PCDHAC2: variants seen among roughly 807,000 people sequenced by gnomAD.
PCDHAC2 encodes protocadherin alpha subfamily C, 2.
PCDHAC2 carries 24 observed loss-of-function variants against 63.3 expected under a neutral mutation model. The ratio of observed to expected loss-of-function variants is 0.38; its 90% CI spans 0.27 to 0.53. The LOEUF is 0.53. Ranked by LOEUF, PCDHAC2 falls within the 20% of genes least tolerant of loss-of-function variation. PCDHAC2 has a pLI of 0.81. For missense variants in PCDHAC2, 1,181 were observed against 1,275.2 expected (o/e 0.93, Z 1.12); for synonymous variants, 569 against 529.4 (o/e 1.07, Z -1.03).
chr5:140,987,407 T>C (rs1301920693), intron 3 of PCDHAC2, among the ~76,000 whole-genome samples: 3 of 152,148 alleles, frequency 2.0e-5, no homozygotes, highest in Non-Finnish European at 4.4e-5. Flanking sequence ...CATCTGTTTA[T>C]GGTTCTTGTG....
chr5:141,007,200 G>T (rs1437076735), intron 3 of PCDHAC2, among the ~76,000 whole-genome samples: 2 of 152,010 alleles, frequency 1.3e-5, no homozygotes, highest in Admixed American at 6.6e-5. Context: ...GATGGTGGGG[G>T]CCAGAATATG....
rs1169646324 is a variant in PCDHAC2 at position 141,011,134 on chromosome 5, ATACACAACCT to A, written c.*1199_*1208del. The A allele has an allele frequency of 6.5e-6, 1 of 153,688 alleles. No homozygotes were observed. Among genetic ancestry groups the A allele is most frequent in the East Asian group, 1.9e-4 (1 of 5,194 alleles). The allele number at this position is 153,688 out of a possible 1,614,324, so 9.5% of individuals were successfully genotyped here. ...CTAAGAAACAATTATGTGCACTTTG[ATACACAACCT>A]TCTCTAACCAACTATATATCAAGAC... On this transcript the variant is annotated 3_prime_UTR_variant, in exon 4 of 4. Transcript: ENST00000289269.
At position 140,968,817 on chromosome 5, in the gene PCDHAC2, T is replaced by C; in HGVS notation, c.2051T>C (p.Val684Ala). 2 of 1,614,110 alleles carry C rather than the reference T, an allele frequency of 1.2e-6. No homozygotes were observed. Among genetic ancestry groups the C allele is most frequent in the Middle Eastern group, 3.3e-4 (2 of 6,062 alleles). Residue 684 changes from valine (V) to alanine (A), a missense_variant, in exon 1 of 4, where the codon GTT becomes GCT. Physicochemically the swap from Val to Ala is moderately conservative, Grantham distance 64. Coordinates refer to ENST00000289269, the MANE Select transcript of PCDHAC2 (RefSeq NM_018899.6). ...VAITVAVVDR[V>A]SKILPDTQRH... ...ATTACAGTAGCTGTGGTGGATAGGG[T>C]TTCCAAAATCCTCCCTGACACTCAG...
In PCDHAC2 at chr5:140,967,831, C is replaced by T. The variant is rs2153762943; in HGVS notation, c.1065C>T (p.Ile355=). 6.2e-7 allele frequency: 1 copy of T among 1,614,130 alleles called. No homozygotes were observed. Among genetic ancestry groups the T allele is most frequent in the Admixed American group, 1.7e-5 (1 of 60,026 alleles). The change falls in exon 1 of 4, where the codon ATC becomes ATT. Residue 355 remains isoleucine (I), a synonymous_variant. Transcript: ENST00000289269. ...MAGHCKVLVD[I]VDVNDNAPEV... is the part of the protein sequence containing the mutation. Reference sequence around the variant, plus strand: ...GTCACTGCAAGGTGCTGGTGGACATCGTGGACGTGAATGACAATGCCCCAG... The same window carrying T: ...GTCACTGCAAGGTGCTGGTGGACATTGTGGACGTGAATGACAATGCCCCAG...
Position 140,974,586 on chromosome 5 carries a change from A to G in PCDHAC2, c.2566-4363A>G, listed in dbSNP as rs150396044. Among the ~76,000 whole-genome samples, 599 of 152,220 alleles carry G rather than the reference A, an allele frequency of 3.9e-3. 3 individuals carry two copies. Among genetic ancestry groups the G allele is most frequent in the African/African-American group, 0.014 (565 of 41,540 alleles). On this transcript the variant is annotated intron_variant, in intron 1 of 3. Transcript: ENST00000289269. The stretch of plus-strand genomic sequence containing the variant: ...GAGTGCAATGGCATGATCTTGGCTC[A>G]CTGCAACCTCTGCCTCCAGGGTTCA...
chr5:140,984,230 A>C (rs1329517544), intron 3 of PCDHAC2, among the ~76,000 whole-genome samples: 1 of 152,112 alleles, frequency 6.6e-6, no homozygotes, highest in Non-Finnish European at 1.5e-5. Flanking sequence ...GCTCTTATGG[A>C]GGCATTGTAG....
At chr5:141,005,769 G>A (rs1421440870) in intron 3 of PCDHAC2, among the ~76,000 whole-genome samples, 3 of 129,926 alleles carry the variant, frequency 2.3e-5, no homozygotes, top group Non-Finnish European at 4.9e-5. Context: ...AAGCAAACCA[G>A]ATGTGTAAAG....
At chr5:140,995,025 C>A (rs1304675289) in intron 3 of PCDHAC2, among the ~76,000 whole-genome samples, 1 of 152,146 alleles carries the variant, frequency 6.6e-6, no homozygotes, top group Non-Finnish European at 1.5e-5. Context: ...AAAGAAGATT[C>A]TTTTAAGTTT....
At position 140,966,962 on chromosome 5, in the gene PCDHAC2, G is replaced by T. The variant is rs370831122; in HGVS notation, c.196G>T (p.Gly66Trp). 4 of 1,602,632 alleles carry T rather than the reference G, an allele frequency of 2.5e-6. No homozygotes were observed. The highest frequency in any genetic ancestry group is 3.4e-6 in the Non-Finnish European group (4 of 1,177,972). The change falls in exon 1 of 4, where the codon GGG (glycine) becomes TGG (tryptophan). Residue 66 changes from glycine to tryptophan, a missense_variant. By Grantham distance (184) the Gly-to-Trp change is radical (BLOSUM62 -2). Coordinates refer to ENST00000289269, the MANE Select transcript of PCDHAC2 (RefSeq NM_018899.6). ...ALVGNVARAL[G>W]LELRRLGPGC... ...CGTGGGCAACGTGGCTCGCGCGCTGGGGCTTGAGCTGCGGCGCTTGGGGCC... is the reference window on the plus strand; with the variant it reads ...CGTGGGCAACGTGGCTCGCGCGCTGTGGCTTGAGCTGCGGCGCTTGGGGCC...
intron 1 of PCDHAC2, among the ~76,000 whole-genome samples, chr5:140,971,015 G>C (rs1425390222): frequency 6.6e-6 from 1 of 152,228 alleles, no homozygotes; most frequent in Non-Finnish European, 1.5e-5. Flanking sequence ...GAAGTCTTTA[G>C]ATCGTAGCAT....
intron 3 of PCDHAC2, among the ~76,000 whole-genome samples, chr5:140,985,683 G>T (rs926848363): frequency 3.3e-5 from 5 of 151,148 alleles, no homozygotes; most frequent in Admixed American, 6.6e-5. Flanking sequence ...CCTGCCTTAC[G>T]CTAATCCTCG....
chr5:140,993,265 C>A (rs1196226593), intron 3 of PCDHAC2, among the ~76,000 whole-genome samples: 1 of 152,062 alleles, frequency 6.6e-6, no homozygotes, highest in Non-Finnish European at 1.5e-5. Flanking sequence ...AAATTAGCTT[C>A]TTTGGTCTTT....
chr5:140,966,499 A>AGCG lies in PCDHAC2; in HGVS notation c.-265_-263dup, dbSNP rs1178498918. The stretch of plus-strand genomic sequence containing the variant: ...TCCTTTTCCCTCCCCCTGGAGCTGT[A>AGCG]GCGGCAGCAGCAGCAGGAAGCCGAG... On this transcript the variant is annotated 5_prime_UTR_variant, in exon 1 of 4. Coordinates refer to ENST00000289269, the MANE Select transcript of PCDHAC2 (RefSeq NM_018899.6). 4 of 431,834 alleles carry AGCG rather than the reference A, an allele frequency of 9.3e-6. No individual in the cohort carries two copies. Among genetic ancestry groups the AGCG allele is most frequent in the Non-Finnish European group, 1.6e-5 (4 of 248,886 alleles). The allele number at this position is 431,834 out of a possible 1,614,324, so 26.8% of individuals were successfully genotyped here.
chr5:140,987,453 A>C (rs2097255093), intron 3 of PCDHAC2, among the ~76,000 whole-genome samples: 1 of 152,106 alleles, frequency 6.6e-6, no homozygotes, highest in South Asian at 2.1e-4. Context: ...CCGAGAGATA[A>C]TTGTTAAGAG....
chr5:140,999,654 C>A (rs180994815), intron 3 of PCDHAC2, among the ~76,000 whole-genome samples: 1 of 152,122 alleles, frequency 6.6e-6, no homozygotes, highest in South Asian at 2.1e-4. Flanking sequence ...AGCCTGAGCC[C>A]TGCTGGGTTG....
intron 3 of PCDHAC2, 167 bp from the exon 4 acceptor site, chr5:141,009,456 CAAAT>C (rs2098408902): frequency 8.4e-6 from 8 of 947,642 alleles, no homozygotes; most frequent in African/African-American, 3.5e-5. Context: ...AAAAATTAAA[CAAAT>C]AAATAAATAA....
At chr5:140,993,310 A>G (rs1013688133) in intron 3 of PCDHAC2, among the ~76,000 whole-genome samples, 2 of 152,038 alleles carry the variant, frequency 1.3e-5, no homozygotes, top group African/African-American at 4.8e-5. Context: ...CTCCAGGATA[A>G]TACCTTCTAA....
chr5:141,000,705 G>A (rs912231910), intron 3 of PCDHAC2, among the ~76,000 whole-genome samples: 6 of 151,458 alleles, frequency 4.0e-5, no homozygotes, highest in African/African-American at 1.2e-4. Context: ...TGGGATTACA[G>A]GCATGAGCCA....
chr5:140,966,730 C>T lies in PCDHAC2; in HGVS notation c.-37C>T. 7.1e-7 allele frequency: 1 copy of T among 1,405,456 alleles called. No individual in the cohort carries two copies. Among genetic ancestry groups the T allele is most frequent in the Non-Finnish European group, 9.2e-7 (1 of 1,086,906 alleles). The allele number at this position is 1,405,456 out of a possible 1,614,324, so 87.1% of individuals were successfully genotyped here. ...GCACGGCTGGGGAAGCTGCCGCCTCCGGCCCTGCCCGGCTGCCTCCGCCGC... is the reference window on the plus strand; with the variant it reads ...GCACGGCTGGGGAAGCTGCCGCCTCTGGCCCTGCCCGGCTGCCTCCGCCGC... On this transcript the variant is annotated 5_prime_UTR_variant, in exon 1 of 4. Coordinates refer to ENST00000289269, the MANE Select transcript of PCDHAC2 (RefSeq NM_018899.6).
Sources: allele counts gnomAD v4.1 joint callset (sites outside exome capture counted in the v4.1 genomes callset), GRCh38; gene constraint gnomAD v4.1.1; transcripts MANE v1.5; gene names NCBI Gene and HGNC (gene_info 2026-07-23, HGNC 2026-07-21).